EXOC2: variants seen among roughly 807,000 people sequenced by gnomAD.
The protein encoded by EXOC2 is SEC5-like 1.
In EXOC2, 70 loss-of-function variants were observed where a neutral mutation model predicts 131.8. The ratio of observed to expected loss-of-function variants is 0.53; its 90% confidence interval spans 0.44 to 0.65. EXOC2 has a LOEUF of 0.65. Ranked by LOEUF, EXOC2 falls within the 30% of genes least tolerant of loss-of-function variation. The probability of loss-of-function intolerance (pLI) is 0.00; values close to 1 mark genes in which losing one functional copy is unlikely to be tolerated. For missense variants in EXOC2, 923 were observed against 1,108.6 expected (o/e 0.83, Z 2.38); for synonymous variants, 411 against 398.4 (o/e 1.03, Z -0.38).
At chr6:678,510 G>C (rs539090774) in intron 1 of EXOC2, among the ~76,000 whole-genome samples, 14 of 152,342 alleles carry the variant, frequency 9.2e-5, no homozygotes, top group Admixed American at 8.5e-4. Flanking sequence ...GAGACTGGGT[G>C]AGCAACCTTC....
intron 4 of EXOC2, among the ~76,000 whole-genome samples, chr6:623,438 T>C (rs1252357635): frequency 6.6e-6 from 1 of 152,218 alleles, no homozygotes; most frequent in Non-Finnish European, 1.5e-5. Flanking sequence ...CTGATCTTAA[T>C]TGGAAGACAT....
intron 23 of EXOC2, among the ~76,000 whole-genome samples, chr6:502,724 A>C (rs1764295350): frequency 6.6e-6 from 1 of 152,206 alleles, no homozygotes; most frequent in African/African-American, 2.4e-5. Flanking sequence ...CAGGTTTCAC[A>C]TGGATAATAT....
intron 27 of EXOC2, among the ~76,000 whole-genome samples, chr6:488,721 G>GT (rs1763243930): frequency 6.6e-6 from 1 of 152,076 alleles, no homozygotes; most frequent in African/African-American, 2.4e-5. Flanking sequence ...CCAGTCACTT[G>GT]AAACGAGAGC....
rs1245562210 is a variant in EXOC2, at chr6:564,894, C to A, written c.1479G>T (p.Lys493Asn). The A allele has an allele frequency of 3.1e-6, 5 of 1,612,816 alleles. No individual in the cohort carries two copies. The South Asian group carries it at 3.3e-5, about 11-fold the overall frequency. Residue 493 changes from lysine (K) to asparagine (N), a missense_variant, in exon 14 of 28, where the codon AAG becomes AAT. Lys to Asn is a moderately conservative substitution (Grantham distance 94). Transcript: ENST00000230449. The stretch of plus-strand genomic sequence containing the variant: ...AATCATTTTGTCTTTGCCTTACATT[C>A]TTTGATCTTTCAATCTGGCCTGACT... ...AEKSGQIERSKNVRQRQNDFK... is the reference protein window; with the variant it reads ...AEKSGQIERSNNVRQRQNDFK...
intron 1 of EXOC2, among the ~76,000 whole-genome samples, chr6:650,898 A>T (rs1339826806): frequency 2.0e-5 from 3 of 152,184 alleles, no homozygotes; most frequent in Admixed American, 1.3e-4. Flanking sequence ...TAGCTTGAAA[A>T]TTTTCATTTA....
chr6:647,362 T>C (rs1267097556), intron 1 of EXOC2, among the ~76,000 whole-genome samples: 5 of 151,486 alleles, frequency 3.3e-5, no homozygotes, highest in African/African-American at 9.7e-5. Flanking sequence ...TCAGAGATCC[T>C]CAGCGGTTTT....
At chr6:515,272 C>T (rs373473063) in intron 23 of EXOC2, among the ~76,000 whole-genome samples, 11 of 152,256 alleles carry the variant, frequency 7.2e-5, no homozygotes, top group South Asian at 4.1e-4. Context: ...AAAACAAACA[C>T]GCAAACAAAA....
chr6:624,472 T>A (rs1408366256), intron 4 of EXOC2, among the ~76,000 whole-genome samples: 1 of 152,254 alleles, frequency 6.6e-6, no homozygotes, highest in Non-Finnish European at 1.5e-5. Flanking sequence ...TTTGCTATTA[T>A]TTTTATTATT....
At chr6:503,191 G>A (rs1435951617) in intron 23 of EXOC2, among the ~76,000 whole-genome samples, 1 of 151,550 alleles carries the variant, frequency 6.6e-6, no homozygotes, top group Admixed American at 6.6e-5. Context: ...TTACCGATTG[G>A]GCTGAAATTG....
Position 603,524 on chromosome 6 carries a change from G to A in EXOC2, c.743-4299C>T, listed in dbSNP as rs60041354. 3.7e-3 allele frequency among the ~76,000 whole-genome samples: 569 copies of A among 152,268 alleles called. 3 individuals carry two copies. The highest frequency in any genetic ancestry group is 0.013 in the African/African-American group (542 of 41,558). On this transcript the variant is annotated intron_variant, in intron 7 of 27. Coordinates refer to ENST00000230449, the MANE Select transcript of EXOC2 (RefSeq NM_018303.6). ...CAGTATCTCTTCACCTCCAAGCTGAGTTGGCAGCTTGAAACCAACCCCAAT... is the reference window on the plus strand; with the variant it reads ...CAGTATCTCTTCACCTCCAAGCTGAATTGGCAGCTTGAAACCAACCCCAAT...
At chr6:658,923 A>G (rs908381498) in intron 1 of EXOC2, among the ~76,000 whole-genome samples, 7 of 152,130 alleles carry the variant, frequency 4.6e-5, no homozygotes, top group Non-Finnish European at 8.8e-5. Context: ...TGGCCTCTCA[A>G]AGTGCTGGGA....
chr6:507,411 C>A (rs1764629935), intron 23 of EXOC2, among the ~76,000 whole-genome samples: 1 of 150,984 alleles, frequency 6.6e-6, no homozygotes, highest in Non-Finnish European at 1.5e-5. Context: ...GGATTGCACT[C>A]TAGTAGGGAC....
chr6:579,489 G>A (rs1336967184), intron 11 of EXOC2, among the ~76,000 whole-genome samples: 1 of 152,200 alleles, frequency 6.6e-6, no homozygotes, highest in Non-Finnish European at 1.5e-5. Flanking sequence ...CGGACTATCA[G>A]CATCTGGAAT....
At chr6:551,104 CTTA>C (rs1229972911) in intron 21 of EXOC2, among the ~76,000 whole-genome samples, 1 of 152,192 alleles carries the variant, frequency 6.6e-6, no homozygotes, top group Non-Finnish European at 1.5e-5. Flanking sequence ...TAGTCAAAAG[CTTA>C]TTAACAACTA....
intron 21 of EXOC2, among the ~76,000 whole-genome samples, chr6:552,956 C>T (rs1399919450): frequency 6.6e-6 from 1 of 152,142 alleles, no homozygotes; most frequent in African/African-American, 2.4e-5. Flanking sequence ...CTCACTCTGT[C>T]ACCCAGGCTG....
At chr6:658,661 A>AT (rs1561983337) in intron 1 of EXOC2, among the ~76,000 whole-genome samples, 3 of 72,064 alleles carry the variant, frequency 4.2e-5, no homozygotes, top group South Asian at 4.7e-4. Flanking sequence ...ATATATATAT[A>AT]TATATTTTTT....
intron 11 of EXOC2, among the ~76,000 whole-genome samples, chr6:578,858 G>A (rs1407084455): frequency 6.6e-6 from 1 of 151,982 alleles, no homozygotes; most frequent in African/African-American, 2.4e-5. Flanking sequence ...ATGTTCTAGT[G>A]ATTTATGACA....
chr6:610,924 A>T (rs1277776878), intron 6 of EXOC2, among the ~76,000 whole-genome samples: 2 of 152,248 alleles, frequency 1.3e-5, no homozygotes, highest in Non-Finnish European at 2.9e-5. Context: ...TTTGGGGAAG[A>T]ACCCAGCTAC....
At chr6:510,283 T>C (rs1158816606) in intron 23 of EXOC2, among the ~76,000 whole-genome samples, 1 of 152,128 alleles carries the variant, frequency 6.6e-6, no homozygotes, top group East Asian at 1.9e-4. Context: ...CTAAAGTGGA[T>C]TTTTTCAATG....
Sources: gnomAD v4.1 joint callset for allele counts (sites outside exome capture counted in the v4.1 genomes callset) on GRCh38, gnomAD v4.1.1 for gene constraint, MANE v1.5 for transcripts, NCBI Gene and HGNC (gene_info 2026-07-23, HGNC 2026-07-21) for gene names.